Variants in CEP164 observed in about 807,000 individuals in gnomAD.
CEP164 encodes centrosomal protein 164.
Under a neutral mutation model 182.7 loss-of-function variants are expected in CEP164, and 162 were observed. The ratio of observed to expected loss-of-function variants is 0.89; its 90% CI spans 0.78 to 1.01. The LOEUF is 1.01. CEP164 is among the 50% of genes least tolerant of loss of function. The pLI is 0.00. For missense variants in CEP164, 1,735 were observed against 1,790.4 expected (o/e 0.97, Z 0.56); for synonymous variants, 661 against 690.0 (o/e 0.96, Z 0.66).
intron 18 of CEP164, 80 bp from the exon 19 acceptor site, chr11:117,392,416 C>G (rs1181792526): frequency 6.4e-7 from 1 of 1,572,154 alleles, no homozygotes; most frequent in Non-Finnish European, 8.6e-7. Flanking sequence ...GATGCCAGGT[C>G]CTCAGAACAC....
rs773045906 is a variant in CEP164 at position 117,351,985 on chromosome 11, G to A, written c.390G>A (p.Ser130=). The change falls in exon 5 of 33, where the codon TCG becomes TCA. Residue 130 remains serine (S), a synonymous_variant. Coordinates refer to ENST00000278935, the MANE Select transcript of CEP164 (RefSeq NM_014956.5). The part of the protein sequence containing the change: ...DKKDRDPPKS[S]LALGSSLAPV... Reference sequence around the variant, plus strand: ...AGGACAGAGACCCCCCCAAAAGTTCGCTGGTGAGTCAGTGGATGCCTCCTC... The same window carrying A: ...AGGACAGAGACCCCCCCAAAAGTTCACTGGTGAGTCAGTGGATGCCTCCTC... 1.2e-5 allele frequency: 19 copies of A among 1,569,412 alleles called. No individual in the cohort carries two copies. The Admixed American group carries it at 2.1e-4, about 17-fold the overall frequency.
At position 117,397,276 on chromosome 11, in the gene CEP164, T is replaced by A. The variant is rs1341181625; in HGVS notation, c.3464T>A (p.Ile1155Asn). ...AQEVAKDPPG[I>N]KALEDMRKNL... ...GAGGTGGCCAAAGACCCACCAGGCA[T>A]CAAGGCCCTGGAAGATATGCGCAAG... The change falls in exon 27 of 33, where the codon ATC becomes AAC. Residue 1155 changes from isoleucine to asparagine, a missense_variant. Coordinates refer to ENST00000278935, the MANE Select transcript of CEP164 (RefSeq NM_014956.5). 5 of 1,613,814 alleles carry A rather than the reference T, an allele frequency of 3.1e-6. No homozygotes were observed. The East Asian group carries it at 1.1e-4, about 36-fold the overall frequency.
intron 30 of CEP164, 173 bp downstream of exon 30, chr11:117,410,138 G>T (rs1171934373): frequency 5.4e-6 from 4 of 741,504 alleles, no homozygotes; most frequent in Non-Finnish European, 9.5e-6. Flanking sequence ...GACTCTACCT[G>T]TGGGTCCCTG....
At chr11:117,398,596 T>C (rs1046101032) in intron 27 of CEP164, among the ~76,000 whole-genome samples, 3 of 152,246 alleles carry the variant, frequency 2.0e-5, no homozygotes, top group Admixed American at 1.3e-4. Flanking sequence ...TTCTGAAATC[T>C]AGGCGGAGGT....
In CEP164 at chr11:117,373,819, C is replaced by T. The variant is rs946879348; in HGVS notation, c.1221C>T (p.Ser407=). ...LSDSIASDPK[S]FHGLDFGFRS... ...ACTCCATAGCTTCTGACCCCAAGTC[C>T]TTCCATGGCCTGGTGAGTTTGAGAT... Residue 407 remains serine, a synonymous_variant, in exon 10 of 33, where the codon TCC becomes TCT. Coordinates refer to ENST00000278935, the MANE Select transcript of CEP164 (RefSeq NM_014956.5). The T allele has an allele frequency of 6.2e-7, 1 of 1,614,020 alleles. No individual in the cohort carries two copies. The highest frequency in any genetic ancestry group is 1.7e-5 in the Admixed American group (1 of 60,018).
At chr11:117,372,943 G>T (rs1450471096) in intron 9 of CEP164, among the ~76,000 whole-genome samples, 1 of 152,236 alleles carries the variant, frequency 6.6e-6, no homozygotes, top group Non-Finnish European at 1.5e-5. Flanking sequence ...GGGAGTGGTT[G>T]CTTTGGCAAG....
intron 9 of CEP164, 89 bp from the exon 10 acceptor site, chr11:117,373,662 C>A: frequency 1.8e-6 from 2 of 1,124,608 alleles, no homozygotes; most frequent in African/African-American, 1.5e-5. Flanking sequence ...CCTATATTGG[C>A]CCCATGGCCT....
Position 117,395,585 on chromosome 11 carries a change from G to A in CEP164, c.2952G>A (p.Gln984=). 2.5e-6 allele frequency: 4 copies of A among 1,613,752 alleles called. No individual in the cohort carries two copies. The highest frequency in any genetic ancestry group is 3.4e-6 in the Non-Finnish European group (4 of 1,179,832). The change falls in exon 24 of 33, where the codon CAG becomes CAA. Residue 984 remains glutamine (Q), a synonymous_variant. Transcript: ENST00000278935. ...TATHQQLEEA[Q]KEHTHLLQSN... ...CCCATCAGCAGCTGGAGGAGGCACA[G>A]AAGGAGCACACCCACCTGTTGCAGT... is the stretch of plus-strand genomic sequence containing the variant.
chr11:117,356,114 G>A (rs1373626963), intron 5 of CEP164: 37 of 1,049,492 alleles, frequency 3.5e-5, no homozygotes, highest in Non-Finnish European at 4.3e-5. Context: ...ATCTGAGGAG[G>A]GTATGGCTCA....
At chr11:117,356,009 A>T in intron 5 of CEP164, 1 of 1,138,398 alleles carries the variant, frequency 8.8e-7, no homozygotes. Context: ...GAGCAGCAGC[A>T]GCAGCAGCAG....
chr11:117,342,385 T>C (rs997482477), intron 3 of CEP164, among the ~76,000 whole-genome samples: 5 of 152,248 alleles, frequency 3.3e-5, no homozygotes, highest in African/African-American at 1.2e-4. Context: ...AGCTTAAGCA[T>C]TGATGTCATT....
chr11:117,329,130 G>C (rs2035795136), intron 1 of CEP164, among the ~76,000 whole-genome samples: 1 of 152,142 alleles, frequency 6.6e-6, no homozygotes, highest in Non-Finnish European at 1.5e-5. Context: ...ATGTTGCCCA[G>C]GCTGGAGTGC....
At chr11:117,354,038 A>G (rs1343941610) in intron 5 of CEP164, among the ~76,000 whole-genome samples, 1 of 142,034 alleles carries the variant, frequency 7.0e-6, no homozygotes, top group African/African-American at 2.6e-5. Flanking sequence ...TTTTTTTGAG[A>G]CAGCATCTTG....
At chr11:117,370,288 A>G (rs1407814499) in intron 8 of CEP164, among the ~76,000 whole-genome samples, 2 of 152,162 alleles carry the variant, frequency 1.3e-5, no homozygotes, top group Non-Finnish European at 2.9e-5. Flanking sequence ...TTTAGGGGCG[A>G]AGAGGACTCT....
At chr11:117,405,603 C>T (rs1016573586) in intron 27 of CEP164, among the ~76,000 whole-genome samples, 8 of 152,230 alleles carry the variant, frequency 5.3e-5, no homozygotes, top group Non-Finnish European at 1.0e-4. Flanking sequence ...ATTCAGCCAT[C>T]TTGCCAGCCA....
In CEP164 at chr11:117,409,668, T is replaced by A. The variant is rs774260195; in HGVS notation, c.3799T>A (p.Ser1267Thr). ...CCGCAAGATCCACGGGCTTAGCCAC[T>A]CCCTCCGGCAGATCAGCAGCCAGCT... is the stretch of plus-strand genomic sequence containing the variant. ...TSRKIHGLSHSLRQISSQLSS... is the reference protein window; with the variant it reads ...TSRKIHGLSHTLRQISSQLSS... Residue 1267 changes from serine to threonine, a missense_variant, in exon 30 of 33, where the codon TCC becomes ACC. Ser to Thr is a moderately conservative substitution (Grantham distance 58). Coordinates refer to ENST00000278935, the MANE Select transcript of CEP164 (RefSeq NM_014956.5). The surrounding 1 kb of genome is among the most constrained non-coding windows in gnomAD (Gnocchi z 4.4). 6.2e-7 allele frequency: 1 copy of A among 1,613,696 alleles called. No individual in the cohort carries two copies. The highest frequency in any genetic ancestry group is 1.1e-5 in the South Asian group (1 of 91,066).
At position 117,394,012 on chromosome 11, in the gene CEP164, A is replaced by G. The variant is rs759697866; in HGVS notation, c.2617-338A>G. On this transcript the variant is annotated intron_variant, in intron 20 of 32. Transcript: ENST00000278935. This position sits in a 1 kb window ranked among gnomAD's most constrained non-coding sequence, Gnocchi z 4.0. ...GAAATTTGCCATATCCCTTCCCCCAACCAATTATGACCTTGCTGAAGAATA... is the reference window on the plus strand; with the variant it reads ...GAAATTTGCCATATCCCTTCCCCCAGCCAATTATGACCTTGCTGAAGAATA... Among the ~76,000 whole-genome samples, 35 of 152,172 alleles carry G rather than the reference A, an allele frequency of 2.3e-4. No homozygotes were observed. Among genetic ancestry groups the G allele is most frequent in the Admixed American group, 5.9e-4 (9 of 15,280 alleles).
At chr11:117,390,057 C>G (rs2044426549) in intron 15 of CEP164, among the ~76,000 whole-genome samples, 1 of 149,496 alleles carries the variant, frequency 6.7e-6, no homozygotes, top group Non-Finnish European at 1.5e-5. Context: ...ATTCTCCTGT[C>G]TCAGCCTCCC....
chr11:117,371,128 G>C lies in CEP164; in HGVS notation c.814G>C (p.Asp272His). Reference sequence around the variant, plus strand: ...AGAGGAGAAGAAGGATGTTTCTCTGGATTCAGATGCTGCCGGTCCCCCTAC... The same window carrying C: ...AGAGGAGAAGAAGGATGTTTCTCTGCATTCAGATGCTGCCGGTCCCCCTAC... ...QPEEKKDVSL[D>H]SDAAGPPTPC... The change falls in exon 9 of 33, where the codon GAT (aspartate) becomes CAT (histidine). Residue 272 changes from aspartate to histidine, a missense_variant. Physicochemically the swap from Asp to His is moderately conservative, Grantham distance 81 (BLOSUM62 -1). Transcript: ENST00000278935. The C allele has an allele frequency of 1.2e-6, 2 of 1,611,570 alleles. No homozygotes were observed. The highest frequency in any genetic ancestry group is 1.7e-6 in the Non-Finnish European group (2 of 1,178,322).
Sources: allele counts gnomAD v4.1 joint callset (sites outside exome capture counted in the v4.1 genomes callset), GRCh38; gene constraint gnomAD v4.1.1; non-coding constraint Gnocchi (gnomAD v3.1); transcripts MANE v1.5; gene names NCBI Gene and HGNC (gene_info 2026-07-23, HGNC 2026-07-21).